Variants in GPC5 observed in about 807,000 individuals in gnomAD.
The protein encoded by GPC5 is glypican 5, also known as glypican-5.
GPC5 carries 47 observed loss-of-function variants against 53.9 expected under a neutral mutation model. The ratio of observed to expected loss-of-function variants is 0.87; its 90% CI spans 0.69 to 1.11. The LOEUF (loss-of-function observed/expected upper bound fraction) is 1.11, where lower values mean the gene tolerates loss of function less well. Ranked by LOEUF, GPC5 falls within the 50% of genes most tolerant of loss-of-function variation. The pLI is 0.00. For synonymous variants in GPC5, 286 were observed against 263.3 expected (o/e 1.09, Z -0.84); for missense variants, 748 against 713.1 (o/e 1.05, Z -0.56).
intron 4 of GPC5, among the ~76,000 whole-genome samples, chr13:91,748,911 T>A (rs1008867811): frequency 6.6e-6 from 1 of 151,942 alleles, no homozygotes; most frequent in Non-Finnish European, 1.5e-5. Context: ...ATGCAATGCG[T>A]GTATAGGTGT....
At chr13:92,064,033 A>C (rs529562225) in intron 6 of GPC5, among the ~76,000 whole-genome samples, 1 of 152,196 alleles carries the variant, frequency 6.6e-6, no homozygotes. Context: ...AAACCAGAAG[A>C]AGCATGCTCC....
chr13:91,489,968 C>A (rs74576969), intron 2 of GPC5, among the ~76,000 whole-genome samples: 1 of 152,184 alleles, frequency 6.6e-6, no homozygotes, highest in South Asian at 2.1e-4. Context: ...AAGAAAAAGG[C>A]GGAGGGGGGA....
In GPC5 at chr13:92,866,776, T is replaced by C. The variant is rs1641218905; in HGVS notation, c.*337T>C. On this transcript the variant is annotated 3_prime_UTR_variant, in exon 8 of 8. Coordinates refer to ENST00000377067, the MANE Select transcript of GPC5 (RefSeq NM_004466.6). ...ATTATCAATTCCAAGCCCCTTCCTT[T>C]CTAAATTAAAAATGTTTTCATTTGA... 1 of 168,794 alleles carries C rather than the reference T, an allele frequency of 5.9e-6. No individual in the cohort carries two copies. The highest frequency in any genetic ancestry group is 2.4e-5 in the African/African-American group (1 of 42,114). 10.5% of individuals were successfully genotyped at this position (168,794 alleles called of 1,614,324 possible).
intron 6 of GPC5, among the ~76,000 whole-genome samples, chr13:92,038,210 C>T (rs1456451122): frequency 6.6e-6 from 1 of 151,928 alleles, no homozygotes; most frequent in Admixed American, 6.6e-5. Flanking sequence ...ATGGCATTGA[C>T]ACCCAGGTGC....
chr13:91,503,794 A>ATAATAATAT (rs1884785148), intron 2 of GPC5, among the ~76,000 whole-genome samples: 1 of 144,610 alleles, frequency 6.9e-6, no homozygotes, highest in Non-Finnish European at 1.5e-5. Flanking sequence ...AATAATAATA[A>ATAATAATAT]TAATAATAAT....
chr13:91,811,632 A>G (rs1294762676), intron 5 of GPC5, among the ~76,000 whole-genome samples: 2 of 97,354 alleles, frequency 2.1e-5, no homozygotes, highest in African/African-American at 7.7e-5. Context: ...AAGCAACTTT[A>G]TATTTAGAGT....
intron 6 of GPC5, among the ~76,000 whole-genome samples, chr13:92,057,416 A>T (rs2041084244): frequency 2.0e-5 from 3 of 152,320 alleles, no homozygotes; most frequent in African/African-American, 7.2e-5. Context: ...AACCTGCAGA[A>T]TCAAGAAAAA....
intron 7 of GPC5, among the ~76,000 whole-genome samples, chr13:92,527,744 A>T (rs189402866): frequency 1.3e-5 from 2 of 152,270 alleles, no homozygotes; most frequent in African/African-American, 4.8e-5. Flanking sequence ...CAGCCTTTAA[A>T]TGCATTACTT....
chr13:92,745,805 G>A (rs772669175), intron 7 of GPC5, among the ~76,000 whole-genome samples: 5 of 151,878 alleles, frequency 3.3e-5, no homozygotes, highest in South Asian at 4.1e-4. Context: ...AATCACATTA[G>A]TTTCATCTCT....
chr13:91,782,935 C>A (rs1262613825), intron 5 of GPC5, among the ~76,000 whole-genome samples: 1 of 151,658 alleles, frequency 6.6e-6, no homozygotes, highest in Non-Finnish European at 1.5e-5. Context: ...ATGTTTTTCT[C>A]ATTAAGAAAA....
rs1886322698 is a variant in GPC5 at position 92,661,021 on chromosome 13, G to T, written c.1562-205261G>T. The stretch of plus-strand genomic sequence containing the variant: ...AAACAAAAAACCTAACTCACACAGG[G>T]CAGGGATGGTGGCTCATGCCTGTAA... On this transcript the variant is annotated intron_variant, in intron 7 of 7. Coordinates refer to ENST00000377067, the MANE Select transcript of GPC5 (RefSeq NM_004466.6). Among the ~76,000 whole-genome samples the T allele has an allele frequency of 2.0e-5, 3 of 151,886 alleles. No homozygotes were observed. In the South Asian group the frequency reaches 6.2e-4, roughly 32 times the overall value.
chr13:92,866,499 T>A lies in GPC5; in HGVS notation c.*60T>A. On this transcript the variant is annotated 3_prime_UTR_variant, in exon 8 of 8. Coordinates refer to ENST00000377067, the MANE Select transcript of GPC5 (RefSeq NM_004466.6). ...TCTCGATTTCTTCTCTCTCTGCATATGCCTGGAATAAGAGATCCTTTTTCA... is the reference window on the plus strand; with the variant it reads ...TCTCGATTTCTTCTCTCTCTGCATAAGCCTGGAATAAGAGATCCTTTTTCA... 1 of 1,303,582 alleles carries A rather than the reference T, an allele frequency of 7.7e-7. No individual in the cohort carries two copies. Among genetic ancestry groups the A allele is most frequent in the African/African-American group, 1.5e-5 (1 of 66,910 alleles). 80.8% of individuals were successfully genotyped at this position (1,303,582 alleles called of 1,614,324 possible). A position where few individuals can be genotyped will look rare whatever the true frequency, so the allele number is the denominator to read the frequency against.
chr13:91,543,911 C>T (rs2030119181), intron 2 of GPC5, among the ~76,000 whole-genome samples: 1 of 152,034 alleles, frequency 6.6e-6, no homozygotes, highest in Non-Finnish European at 1.5e-5. Flanking sequence ...GGTAATTGTG[C>T]TAAATTATAA....
At chr13:91,842,237 A>G (rs2038795800) in intron 5 of GPC5, among the ~76,000 whole-genome samples, 1 of 152,040 alleles carries the variant, frequency 6.6e-6, no homozygotes, top group East Asian at 1.9e-4. Context: ...TGATGGCATA[A>G]AAGAAATAAA....
intron 7 of GPC5, among the ~76,000 whole-genome samples, chr13:92,704,853 AAT>A (rs762359835): frequency 1.0e-4 from 15 of 149,944 alleles, no homozygotes; most frequent in African/African-American, 2.2e-4. Flanking sequence ...TTAGTGTGTA[AAT>A]ATATGAGTGT....
intron 5 of GPC5, among the ~76,000 whole-genome samples, chr13:91,843,113 A>T (rs1266541937): frequency 3.3e-5 from 5 of 152,212 alleles, no homozygotes; most frequent in African/African-American, 1.2e-4. Context: ...TTAGAATTGT[A>T]TTCTAAACTT....
chr13:91,965,650 C>T (rs539012717), intron 6 of GPC5, among the ~76,000 whole-genome samples: 1 of 152,192 alleles, frequency 6.6e-6, no homozygotes, highest in East Asian at 1.9e-4. Flanking sequence ...TCATTTAGGC[C>T]TGTCATATCC....
chr13:92,009,643 TTTCCAC>T (rs2040642619), intron 6 of GPC5, among the ~76,000 whole-genome samples: 2 of 152,160 alleles, frequency 1.3e-5, no homozygotes, highest in African/African-American at 4.8e-5. Flanking sequence ...TCCTTGTAGC[TTTCCAC>T]TTTCTAATTC....
intron 7 of GPC5, among the ~76,000 whole-genome samples, chr13:92,479,096 A>G (rs1879254923): frequency 2.0e-5 from 3 of 152,210 alleles, no homozygotes; most frequent in African/African-American, 7.2e-5. Context: ...TACACAAATT[A>G]TAAGTCCAAA....
Sources: allele counts gnomAD v4.1 joint callset (sites outside exome capture counted in the v4.1 genomes callset), GRCh38; gene constraint gnomAD v4.1.1; transcripts MANE v1.5; gene names NCBI Gene and HGNC (gene_info 2026-07-23, HGNC 2026-07-21).